The following WDR41 variants were observed in gnomAD, a reference collection of about 807,000 sequenced individuals.
The protein encoded by WDR41 is WD repeat-containing protein 41.
WDR41 carries 63 observed loss-of-function variants against 69.3 expected under a neutral mutation model. That is an observed-to-expected ratio of 0.91 (90% CI 0.74 to 1.12). The LOEUF is 1.12. Among genes scored for constraint, WDR41 ranks in the 50% most tolerant of loss-of-function variants. The pLI is 0.00. For synonymous variants in WDR41, 185 were observed against 192.1 expected (o/e 0.96, Z 0.31); for missense variants, 543 against 534.5 (o/e 1.02, Z -0.16).
At chr5:77,616,543 G>T (rs1744684489) in intron 1 of WDR41, among the ~76,000 whole-genome samples, 3 of 152,202 alleles carry the variant, frequency 2.0e-5, no homozygotes, top group Admixed American at 6.5e-5. Context: ...TAAGTGGTAA[G>T]ACACTTGCTC....
chr5:77,517,914 T>G (rs1187673348), intron 1 of WDR41, among the ~76,000 whole-genome samples: 2 of 152,158 alleles, frequency 1.3e-5, no homozygotes, highest in Non-Finnish European at 2.9e-5. Flanking sequence ...TCATCTCATG[T>G]GTATTGTGTA....
intron 1 of WDR41, among the ~76,000 whole-genome samples, chr5:77,512,991 G>C (rs1802233131): frequency 6.6e-6 from 1 of 152,032 alleles, no homozygotes; most frequent in South Asian, 2.1e-4. Context: ...GAATGAAAAG[G>C]CTTATCGTTT....
chr5:77,476,197 C>A (rs142521171), intron 2 of WDR41, among the ~76,000 whole-genome samples: 1 of 152,140 alleles, frequency 6.6e-6, no homozygotes, highest in Non-Finnish European at 1.5e-5. Flanking sequence ...CTACGTCTGA[C>A]TGGTGTAACT....
intron 1 of WDR41, among the ~76,000 whole-genome samples, chr5:77,592,716 C>T (rs116608576): frequency 0.021 from 3,195 of 152,184 alleles, 101 homozygotes; most frequent in African/African-American, 0.069. Flanking sequence ...TTAATTCTCC[C>T]AGCAATGATG....
At chr5:77,598,310 T>G (rs1414093775) in intron 1 of WDR41, among the ~76,000 whole-genome samples, 1 of 152,190 alleles carries the variant, frequency 6.6e-6, no homozygotes, top group African/African-American at 2.4e-5. Flanking sequence ...AAACAATCAG[T>G]GCATCATTTC....
chr5:77,555,086 C>CA (rs112922794), intron 1 of WDR41, among the ~76,000 whole-genome samples: 9,471 of 111,304 alleles, frequency 0.085, 490 homozygotes, highest in South Asian at 0.25. Flanking sequence ...GACCCTGTTT[C>CA]AAAAAAAAAA....
chr5:77,443,559 G>T (rs563520483), intron 8 of WDR41, among the ~76,000 whole-genome samples: 1 of 152,102 alleles, frequency 6.6e-6, no homozygotes, highest in Non-Finnish European at 1.5e-5. Context: ...GGAGCAAAAC[G>T]GGCTTCTAGT....
chr5:77,541,904 G>A (rs963406730), intron 1 of WDR41, among the ~76,000 whole-genome samples: 1 of 152,110 alleles, frequency 6.6e-6, no homozygotes, highest in African/African-American at 2.4e-5. Flanking sequence ...ATTCAACTCA[G>A]CAATCCCACT....
intron 5 of WDR41, among the ~76,000 whole-genome samples, chr5:77,456,173 A>G (rs1020355214): frequency 1.3e-5 from 2 of 152,132 alleles, no homozygotes; most frequent in African/African-American, 4.8e-5. Flanking sequence ...GTCTCATACT[A>G]CTTCAAATTT....
At chr5:77,614,569 T>C (rs1197111837) in intron 1 of WDR41, among the ~76,000 whole-genome samples, 2 of 146,148 alleles carry the variant, frequency 1.4e-5, no homozygotes, top group Non-Finnish European at 3.0e-5. Context: ...CACCGCATGT[T>C]CTCACTCATA....
intron 7 of WDR41, among the ~76,000 whole-genome samples, chr5:77,450,715 T>C (rs1038451329): frequency 3.3e-5 from 5 of 152,212 alleles, no homozygotes; most frequent in Non-Finnish European, 7.3e-5. Context: ...GACCAGGTGC[T>C]GTGGATGCTC....
At chr5:77,478,444 G>A (rs779081277) in intron 2 of WDR41, among the ~76,000 whole-genome samples, 13 of 152,200 alleles carry the variant, frequency 8.5e-5, no homozygotes, top group South Asian at 4.1e-4. Context: ...ATGGCAAACC[G>A]AATCCAGCAG....
At chr5:77,471,444 A>C (rs1027925898) in intron 2 of WDR41, among the ~76,000 whole-genome samples, 2 of 152,188 alleles carry the variant, frequency 1.3e-5, no homozygotes, top group Non-Finnish European at 1.5e-5. Context: ...AACTGAAGGA[A>C]ATAGAGACAC....
chr5:77,434,250 G>T (rs1798849120), intron 12 of WDR41, among the ~76,000 whole-genome samples: 1 of 152,142 alleles, frequency 6.6e-6, no homozygotes, highest in African/African-American at 2.4e-5. Flanking sequence ...GGTAGAGGTT[G>T]CAGTGAGTGG....
At chr5:77,601,210 A>G (rs924097209) in intron 1 of WDR41, among the ~76,000 whole-genome samples, 2 of 152,230 alleles carry the variant, frequency 1.3e-5, no homozygotes, top group Non-Finnish European at 2.9e-5. Flanking sequence ...ACTATTGCCT[A>G]AAATAGTTTT....
chr5:77,495,594 C>T (rs541767373), upstream of WDR41, among the ~76,000 whole-genome samples: 2 of 151,822 alleles, frequency 1.3e-5, no homozygotes, highest in East Asian at 3.9e-4. Flanking sequence ...ATTAACAGAC[C>T]TATAGCAAGT....
intron 1 of WDR41, among the ~76,000 whole-genome samples, chr5:77,602,530 T>C (rs892026398): frequency 2.0e-5 from 3 of 152,198 alleles, no homozygotes; most frequent in African/African-American, 7.2e-5. Context: ...ACCTGGCTTA[T>C]TTCACTTAAC....
chr5:77,602,373 C>G (rs183283958), intron 1 of WDR41, among the ~76,000 whole-genome samples: 1 of 152,262 alleles, frequency 6.6e-6, no homozygotes, highest in Non-Finnish European at 1.5e-5. Context: ...CTCCCAACCT[C>G]AGGTGATCCA....
At chr5:77,555,107 G>A (rs933503639) in intron 1 of WDR41, among the ~76,000 whole-genome samples, 1 of 150,960 alleles carries the variant, frequency 6.6e-6, no homozygotes, top group Non-Finnish European at 1.5e-5. Flanking sequence ...AAAAATACAA[G>A]TATATAGAAC....
Sources: allele counts gnomAD v4.1 joint callset (sites outside exome capture counted in the v4.1 genomes callset), GRCh38; gene constraint gnomAD v4.1.1; transcripts MANE v1.5; gene names NCBI Gene and HGNC (gene_info 2026-07-23, HGNC 2026-07-21).